KIF6: variants seen among roughly 807,000 people sequenced by gnomAD.
KIF6 encodes the protein kinesin family member 6, also known as kinesin-like protein KIF6.
KIF6 carries 106 observed loss-of-function variants against 112.7 expected under a neutral mutation model. The ratio of observed to expected loss-of-function variants is 0.94; its 90% CI spans 0.80 to 1.11. The LOEUF is 1.11. Ranked by LOEUF, KIF6 falls within the 50% of genes least tolerant of loss-of-function variation. The pLI, the probability that KIF6 is intolerant of heterozygous loss-of-function variation, is 0.00. For synonymous variants in KIF6, 339 were observed against 339.9 expected, an observed-to-expected ratio of 1.00 and a Z score of 0.03; for missense variants, 929 against 964.0, an observed-to-expected ratio of 0.96 and a Z score of 0.48.
chr6:39,518,315 G>A (rs1369351037), intron 13 of KIF6, among the ~76,000 whole-genome samples: 1 of 152,154 alleles, frequency 6.6e-6, no homozygotes, highest in East Asian at 1.9e-4. Flanking sequence ...GTACATGAAA[G>A]TATGTACACA....
intron 13 of KIF6, among the ~76,000 whole-genome samples, chr6:39,515,464 C>T (rs1389438409): frequency 1.3e-5 from 2 of 152,214 alleles, no homozygotes; most frequent in Non-Finnish European, 2.9e-5. Flanking sequence ...GTATTCCTCC[C>T]GGCTTACAGC....
At position 39,626,731 on chromosome 6, in the gene KIF6, T is replaced by G. The variant is rs1277066930; in HGVS notation, c.509+8118A>C. On this transcript the variant is annotated intron_variant, in intron 5 of 22. Coordinates refer to ENST00000287152, the MANE Select transcript of KIF6 (RefSeq NM_145027.6). ...TCCCTACGTGGATGAGGGAAGGGAT[T>G]CAGGCAAACCTCCGGCATTAGAATC... 2.0e-5 allele frequency among the ~76,000 whole-genome samples: 3 copies of G among 152,292 alleles called. 1 individual carries two copies. The highest frequency in any genetic ancestry group is 4.1e-4 in the South Asian group (2 of 4,822).
intron 10 of KIF6, among the ~76,000 whole-genome samples, chr6:39,550,062 A>C (rs1484502934): frequency 1.3e-5 from 2 of 152,132 alleles, no homozygotes; most frequent in Non-Finnish European, 2.9e-5. Flanking sequence ...TCTTTTGTTG[A>C]AAAAAGAGAC....
chr6:39,538,660 C>A (rs76653327), intron 13 of KIF6, among the ~76,000 whole-genome samples: 63,609 of 144,674 alleles, frequency 0.44, 16,835 homozygotes, highest in African/African-American at 0.75. Flanking sequence ...TCAGTGTGGC[C>A]ATTCCTCAGG....
At chr6:39,617,458 C>T (rs1299943255) in intron 5 of KIF6, among the ~76,000 whole-genome samples, 1 of 152,172 alleles carries the variant, frequency 6.6e-6, no homozygotes, top group Non-Finnish European at 1.5e-5. Context: ...CTGCAAGGAA[C>T]ATGGTTTCTA....
At chr6:39,661,641 A>G (rs1786154144) in intron 3 of KIF6, among the ~76,000 whole-genome samples, 1 of 152,212 alleles carries the variant, frequency 6.6e-6, no homozygotes, top group South Asian at 2.1e-4. Flanking sequence ...GGCATGCAGT[A>G]GCGGGGAAAG....
chr6:39,578,447 C>T (rs1781099042), intron 9 of KIF6, among the ~76,000 whole-genome samples: 1 of 151,514 alleles, frequency 6.6e-6, no homozygotes, highest in Admixed American at 6.6e-5. Context: ...ATTCTCCTGC[C>T]TCAGCCGAGT....
chr6:39,648,552 A>G (rs1785297131), intron 3 of KIF6, among the ~76,000 whole-genome samples: 1 of 152,212 alleles, frequency 6.6e-6, no homozygotes, highest in African/African-American at 2.4e-5. Flanking sequence ...AAACTTGCCT[A>G]CAGGAATGCT....
chr6:39,614,316 G>A (rs547015715), intron 5 of KIF6, among the ~76,000 whole-genome samples: 4 of 152,226 alleles, frequency 2.6e-5, no homozygotes, highest in East Asian at 1.9e-4. Flanking sequence ...ATCTTCACTC[G>A]TTTAAAACAT....
intron 9 of KIF6, 85 bp from the exon 10 acceptor site, chr6:39,578,244 TGGAC>T: frequency 2.3e-6 from 2 of 866,260 alleles, no homozygotes; most frequent in Non-Finnish European, 3.9e-6. Context: ...CTTAAAATTA[TGGAC>T]AATTTTATGG....
In KIF6 at chr6:39,378,665, C is replaced by T. The variant is rs755914014; in HGVS notation, c.1861+6957G>A. ...GAACGGGAAGTTCTCATGGCCTGTC[C>T]CTCTCACCTGACACATTTCACATGC... On this transcript the variant is annotated intron_variant, in intron 16 of 22. Coordinates refer to ENST00000287152, the MANE Select transcript of KIF6 (RefSeq NM_145027.6). The surrounding 1 kb of genome is among the most constrained non-coding windows in gnomAD (Gnocchi z 5.0). Among the ~76,000 whole-genome samples the T allele has an allele frequency of 3.3e-5, 5 of 152,176 alleles. No homozygotes were observed. Among genetic ancestry groups the T allele is most frequent in the Non-Finnish European group, 7.3e-5 (5 of 68,038 alleles).
intron 6 of KIF6, among the ~76,000 whole-genome samples, chr6:39,597,006 C>G (rs1246864139): frequency 6.6e-6 from 1 of 151,968 alleles, no homozygotes; most frequent in Non-Finnish European, 1.5e-5. Flanking sequence ...GATGAATTTT[C>G]TAAAGGATAT....
chr6:39,672,486 C>T (rs891805548), intron 3 of KIF6, among the ~76,000 whole-genome samples: 1 of 152,202 alleles, frequency 6.6e-6, no homozygotes, highest in Admixed American at 6.5e-5. Flanking sequence ...TACAACAACC[C>T]TATGAACTTT....
chr6:39,591,657 C>T (rs1289261337), intron 7 of KIF6, among the ~76,000 whole-genome samples: 2 of 152,168 alleles, frequency 1.3e-5, no homozygotes, highest in African/African-American at 4.8e-5. Context: ...ACTATAAGCC[C>T]AGCCCACCTG....
At chr6:39,714,842 G>T (rs1789740615) in intron 2 of KIF6, 76 bp from the exon 3 acceptor site, 1 of 1,009,702 alleles carries the variant, frequency 9.9e-7, no homozygotes, top group Non-Finnish European at 1.5e-6. Context: ...TTGTTTTTCT[G>T]AAAGCTCTAT....
intron 13 of KIF6, among the ~76,000 whole-genome samples, chr6:39,511,405 C>T (rs1361421918): frequency 6.6e-6 from 1 of 152,152 alleles, no homozygotes; most frequent in African/African-American, 2.4e-5. Flanking sequence ...CCATCTCACA[C>T]CAGTTAGAAT....
chr6:39,503,230 C>T (rs1006847934), intron 13 of KIF6, among the ~76,000 whole-genome samples: 1 of 152,166 alleles, frequency 6.6e-6, no homozygotes, highest in Non-Finnish European at 1.5e-5. Context: ...ACAACCTGCT[C>T]CTGAATAACT....
intron 7 of KIF6, among the ~76,000 whole-genome samples, chr6:39,586,890 G>A (rs1056440899): frequency 2.0e-5 from 3 of 152,138 alleles, no homozygotes; most frequent in Non-Finnish European, 4.4e-5. Context: ...CACTCAACAT[G>A]CCTCAGTCTC....
intron 15 of KIF6, among the ~76,000 whole-genome samples, chr6:39,387,813 T>C (rs1767549261): frequency 6.6e-6 from 1 of 152,144 alleles, no homozygotes; most frequent in Admixed American, 6.5e-5. Flanking sequence ...AATTTTAAGA[T>C]GGGATAGCAC....
Sources: gnomAD v4.1 joint callset for allele counts (sites outside exome capture counted in the v4.1 genomes callset) on GRCh38, gnomAD v4.1.1 for gene constraint, Gnocchi (gnomAD v3.1) non-coding constraint, MANE v1.5 for transcripts, NCBI Gene and HGNC (gene_info 2026-07-23, HGNC 2026-07-21) for gene names.